The following CSMD1 variants were observed in gnomAD, a reference collection of about 807,000 sequenced individuals.
CSMD1 encodes the protein CUB and Sushi multiple domains 1, also known as CUB and sushi domain-containing protein 1.
CSMD1 carries 213 observed loss-of-function variants against 417.5 expected under a neutral mutation model. The observed-to-expected ratio is 0.51, with a 90% CI of 0.46 to 0.57. CSMD1 has a LOEUF of 0.57. CSMD1 is among the 20% of genes least tolerant of loss of function. CSMD1 has a pLI of 0.00. For missense variants in CSMD1, 6,923 were observed against 4,529.7 expected, an observed-to-expected ratio of 1.53 and a Z score of -15.17; for synonymous variants, 2,862 against 1,736.8, an observed-to-expected ratio of 1.65 and a Z score of -16.11.
chr8:3,558,108 A>G (rs1585362614), intron 10 of CSMD1, among the ~76,000 whole-genome samples: 1 of 150,538 alleles, frequency 6.6e-6, no homozygotes, highest in Admixed American at 6.6e-5. Context: ...CCAATGATGA[A>G]TGGTGCCTCA....
chr8:4,249,715 C>A (rs1323675423), intron 3 of CSMD1, among the ~76,000 whole-genome samples: 1 of 152,150 alleles, frequency 6.6e-6, no homozygotes, highest in Non-Finnish European at 1.5e-5. Flanking sequence ...GAAGACTTGG[C>A]CTCAGCAGAA....
chr8:4,399,506 G>T (rs762022901), intron 3 of CSMD1, among the ~76,000 whole-genome samples: 5 of 152,054 alleles, frequency 3.3e-5, no homozygotes, highest in Non-Finnish European at 7.4e-5. Context: ...AATGTCCTTA[G>T]CTTAACATTC....
chr8:3,260,780 G>A (rs1446631977), intron 26 of CSMD1, among the ~76,000 whole-genome samples: 1 of 152,100 alleles, frequency 6.6e-6, no homozygotes, highest in Admixed American at 6.6e-5. Context: ...ATCCATAAAA[G>A]CCAAAATGAA....
At chr8:4,178,504 C>T (rs1441880040) in intron 3 of CSMD1, among the ~76,000 whole-genome samples, 2 of 151,046 alleles carry the variant, frequency 1.3e-5, no homozygotes, top group Middle Eastern at 3.4e-3. Flanking sequence ...GGAAGCATTC[C>T]CTTTGAAAAC....
intron 5 of CSMD1, among the ~76,000 whole-genome samples, chr8:3,847,858 T>C (rs1031334972): frequency 6.6e-6 from 1 of 152,228 alleles, no homozygotes; most frequent in African/African-American, 2.4e-5. Flanking sequence ...GCTCCCATTA[T>C]GCGCTCCCTA....
intron 2 of CSMD1, among the ~76,000 whole-genome samples, chr8:4,529,195 C>T (rs1421499261): frequency 2.6e-5 from 4 of 152,092 alleles, no homozygotes; most frequent in Admixed American, 1.3e-4. Flanking sequence ...GCCATGAGGT[C>T]AAAACTCTTA....
At chr8:4,341,477 A>G (rs1342460232) in intron 3 of CSMD1, among the ~76,000 whole-genome samples, 3 of 152,144 alleles carry the variant, frequency 2.0e-5, no homozygotes, top group Non-Finnish European at 4.4e-5. Context: ...CTCTGTGATC[A>G]AAGGACAGAC....
At chr8:4,530,314 CTTTTTTTTT>C (rs759268228) in intron 2 of CSMD1, among the ~76,000 whole-genome samples, 11 of 46,688 alleles carry the variant, frequency 2.4e-4, no homozygotes, top group Non-Finnish European at 2.9e-4. Flanking sequence ...ACAGGTAGTG[CTTTTTTTTT>C]TTTTTTTTTT....
At chr8:3,421,185 A>G (rs1347982722) in intron 12 of CSMD1, among the ~76,000 whole-genome samples, 2 of 152,202 alleles carry the variant, frequency 1.3e-5, no homozygotes, top group Admixed American at 1.3e-4. Context: ...CTCATACTAC[A>G]AGACAGTTGA....
intron 11 of CSMD1, 97 bp downstream of exon 11, chr8:3,493,526 T>A (rs757615301): frequency 6.9e-6 from 7 of 1,019,082 alleles, no homozygotes; most frequent in Non-Finnish European, 1.0e-5. Flanking sequence ...AGCAAACACC[T>A]GAGGCCGAAT....
intron 3 of CSMD1, among the ~76,000 whole-genome samples, chr8:4,326,151 T>A (rs139049118): frequency 6.6e-6 from 1 of 152,154 alleles, no homozygotes; most frequent in South Asian, 2.1e-4. Flanking sequence ...CAGTTTAGAG[T>A]TGTGCCAGAG....
chr8:4,571,765 T>G (rs961969454), intron 2 of CSMD1, among the ~76,000 whole-genome samples: 1 of 152,148 alleles, frequency 6.6e-6, no homozygotes, highest in Non-Finnish European at 1.5e-5. Flanking sequence ...GGAGTCTAAG[T>G]CTCTTTGTAC....
At chr8:3,907,024 G>A (rs894585640) in intron 5 of CSMD1, among the ~76,000 whole-genome samples, 2 of 152,154 alleles carry the variant, frequency 1.3e-5, no homozygotes, top group East Asian at 3.9e-4. Context: ...TTTCATAGAT[G>A]AGAAAAATGG....
chr8:4,180,249 A>C (rs1020676033), intron 3 of CSMD1, among the ~76,000 whole-genome samples: 4 of 152,104 alleles, frequency 2.6e-5, no homozygotes, highest in Non-Finnish European at 5.9e-5. Context: ...ATGCAGCAAT[A>C]AAAAATGATG....
chr8:4,091,335 G>A (rs750264098), intron 3 of CSMD1, among the ~76,000 whole-genome samples: 22 of 152,100 alleles, frequency 1.4e-4, no homozygotes, highest in Admixed American at 3.3e-4. Context: ...TAGTTAGAAT[G>A]ATTCCATCAT....
intron 5 of CSMD1, among the ~76,000 whole-genome samples, chr8:3,997,300 C>T (rs1004437985): frequency 2.6e-5 from 4 of 152,276 alleles, no homozygotes; most frequent in South Asian, 2.1e-4. Context: ...CCTAAATAGG[C>T]GGTACTTCAT....
intron 10 of CSMD1, among the ~76,000 whole-genome samples, chr8:3,547,821 C>A (rs1417671888): frequency 6.6e-6 from 1 of 152,060 alleles, no homozygotes; most frequent in Non-Finnish European, 1.5e-5. Context: ...TGATTAAAGA[C>A]ATGCAAACAA....
At chr8:4,874,199 G>T (rs1178342977) in intron 1 of CSMD1, among the ~76,000 whole-genome samples, 2 of 152,182 alleles carry the variant, frequency 1.3e-5, no homozygotes, top group Non-Finnish European at 2.9e-5. Context: ...GAACATGTGT[G>T]ATTAATAAGA....
intron 39 of CSMD1, among the ~76,000 whole-genome samples, chr8:3,155,136 C>A (rs1170363686): frequency 3.3e-5 from 5 of 151,664 alleles, no homozygotes; most frequent in African/African-American, 9.7e-5. Context: ...ATAAAACATC[C>A]CATTATGTAA....
Sources: allele counts gnomAD v4.1 joint callset (sites outside exome capture counted in the v4.1 genomes callset), GRCh38; gene constraint gnomAD v4.1.1; transcripts MANE v1.5; gene names NCBI Gene and HGNC (gene_info 2026-07-23, HGNC 2026-07-21).